The following TPO variants were observed in gnomAD, a reference collection of about 807,000 sequenced individuals.
TPO encodes the protein thyroid peroxidase, also known as thyroid microsomal antigen.
In TPO, 78 loss-of-function variants were observed where a neutral mutation model predicts 96.9. That is an observed-to-expected ratio of 0.81 (90% CI 0.67 to 0.97). The LOEUF is 0.97. Among genes scored for constraint, TPO ranks in the 50% least tolerant of loss-of-function variants. TPO has a pLI of 0.00. For missense variants in TPO, 1,252 were observed against 1,274.8 expected, an observed-to-expected ratio of 0.98 and a Z score of 0.27; for synonymous variants, 547 against 538.0, an observed-to-expected ratio of 1.02 and a Z score of -0.23.
At chr2:1,380,634 C>T (rs1248767904) in intron 1 of TPO, among the ~76,000 whole-genome samples, 1 of 152,106 alleles carries the variant, frequency 6.6e-6, no homozygotes, top group Non-Finnish European at 1.5e-5. Flanking sequence ...ACTGAAGTGA[C>T]ACAATCACAG....
At chr2:1,378,639 C>T (rs11683117) in intron 1 of TPO, among the ~76,000 whole-genome samples, 73,559 of 152,112 alleles carry the variant, frequency 0.48, 20,027 homozygotes, top group Admixed American at 0.6. Flanking sequence ...AGGGCGACTG[C>T]GACTCCGTGC....
chr2:1,467,595 T>C (rs1669020841), intron 7 of TPO, among the ~76,000 whole-genome samples: 1 of 152,226 alleles, frequency 6.6e-6, no homozygotes, highest in Non-Finnish European at 1.5e-5. Context: ...GAGGCTTATT[T>C]TGAGACCTAT....
intron 14 of TPO, among the ~76,000 whole-genome samples, chr2:1,505,110 C>T (rs1346732176): frequency 1.3e-5 from 2 of 152,208 alleles, no homozygotes; most frequent in Admixed American, 6.5e-5. Flanking sequence ...AGTTATCAAG[C>T]AAGTGAGTCT....
At chr2:1,493,768 G>A in intron 10 of TPO, 34 bp from the exon 11 acceptor site, 7 of 1,612,634 alleles carry the variant, frequency 4.3e-6, no homozygotes, top group Non-Finnish European at 5.9e-6. Context: ...GTTCAGTTCT[G>A]TGAGAGAAAC....
At position 1,503,938 on chromosome 2, in the gene TPO, T is replaced by C. The variant is rs752411283; in HGVS notation, c.2387-10T>C. 1 of 1,613,984 alleles carries C rather than the reference T, an allele frequency of 6.2e-7. No homozygotes were observed. The highest frequency in any genetic ancestry group is 1.7e-5 in the Admixed American group (1 of 59,998). On this transcript the variant is annotated splice_polypyrimidine_tract_variant and intron_variant, in intron 13 of 16. Coordinates refer to ENST00000329066, the MANE Select transcript of TPO (RefSeq NM_001206744.2). ...TTCCTCTCACGTGTGTGGCCTTGTG[T>C]GTCTGGCAGATGTGAACGAGTGTGC... is the stretch of plus-strand genomic sequence containing the variant.
At chr2:1,519,582 C>T (rs1356237279) in intron 15 of TPO, among the ~76,000 whole-genome samples, 1 of 152,134 alleles carries the variant, frequency 6.6e-6, no homozygotes, top group Admixed American at 6.5e-5. Flanking sequence ...TTTTATGAAT[C>T]ATTTGGTCTT....
intron 15 of TPO, among the ~76,000 whole-genome samples, chr2:1,528,885 T>C (rs1267428028): frequency 2.3e-3 from 93 of 40,532 alleles, no homozygotes; most frequent in East Asian, 4.0e-3. Flanking sequence ...CCCCAAATCC[T>C]CTCCACTGTG....
At chr2:1,539,105 G>A (rs1028914967) in intron 15 of TPO, among the ~76,000 whole-genome samples, 1 of 152,154 alleles carries the variant, frequency 6.6e-6, no homozygotes, top group Non-Finnish European at 1.5e-5. Flanking sequence ...TCCAGGCAAG[G>A]TAACATTCCC....
chr2:1,443,746 C>T (rs1452061734), intron 5 of TPO, among the ~76,000 whole-genome samples: 2 of 92,412 alleles, frequency 2.2e-5, no homozygotes, highest in East Asian at 7.8e-4. Flanking sequence ...CTGCGGGAGG[C>T]ACCATGTTGG....
chr2:1,380,380 C>T (rs1250814550), intron 1 of TPO, among the ~76,000 whole-genome samples: 17 of 129,620 alleles, frequency 1.3e-4, no homozygotes, highest in South Asian at 2.5e-4. Flanking sequence ...GGCGACAGAG[C>T]GAGACTCTGT....
intron 15 of TPO, among the ~76,000 whole-genome samples, chr2:1,522,620 C>G (rs913323545): frequency 6.6e-6 from 1 of 152,116 alleles, no homozygotes; most frequent in Non-Finnish European, 1.5e-5. Flanking sequence ...AAGCCTCAAT[C>G]TCTCCATAGA....
intron 15 of TPO, among the ~76,000 whole-genome samples, chr2:1,538,795 T>C (rs1287382408): frequency 6.6e-6 from 1 of 152,140 alleles, no homozygotes; most frequent in Non-Finnish European, 1.5e-5. Context: ...GTTCTCACAG[T>C]TCTGGAGACC....
chr2:1,406,436 A>G (rs190097209), intron 1 of TPO, among the ~76,000 whole-genome samples: 46 of 152,336 alleles, frequency 3.0e-4, no homozygotes, highest in African/African-American at 8.9e-4. Flanking sequence ...CCATCCTATT[A>G]TCCACGTGAA....
intron 15 of TPO, among the ~76,000 whole-genome samples, chr2:1,534,691 A>C (rs1679154962): frequency 8.5e-6 from 1 of 118,024 alleles, no homozygotes; most frequent in Non-Finnish European, 1.7e-5. Context: ...AACTTCCAAA[A>C]ATCCCCCACA....
In TPO at chr2:1,403,852, G is replaced by A. The variant is rs565525782; in HGVS notation, n.180+29450G>A. 3.8e-3 allele frequency among the ~76,000 whole-genome samples: 572 copies of A among 152,258 alleles called. 1 individual carries two copies. Among genetic ancestry groups the A allele is most frequent in the Non-Finnish European group, 6.8e-3 (462 of 68,030 alleles). Reference sequence around the variant, plus strand: ...GCCCCACCAAATCTCCCCTCTGCACGCAGCGGCAGCATGGAAACGGTGGCT... The same window carrying A: ...GCCCCACCAAATCTCCCCTCTGCACACAGCGGCAGCATGGAAACGGTGGCT... On this transcript the variant is annotated intron_variant and non_coding_transcript_variant, in intron 1 of 5. Coordinates refer to the TPO transcript ENST00000497517.
At chr2:1,488,334 GC>G (rs952974974) in intron 10 of TPO, among the ~76,000 whole-genome samples, 20 of 152,172 alleles carry the variant, frequency 1.3e-4, no homozygotes, top group East Asian at 9.7e-4. Context: ...TGGCTAGAGT[GC>G]CCCCCTCCCC....
chr2:1,476,367 C>G (rs2148668796), intron 7 of TPO, among the ~76,000 whole-genome samples: 1 of 152,232 alleles, frequency 6.6e-6, no homozygotes, highest in African/African-American at 2.4e-5. Context: ...CCACAGAGCT[C>G]GACTCTTCCC....
intron 14 of TPO, among the ~76,000 whole-genome samples, chr2:1,513,150 A>C (rs1674336438): frequency 6.6e-6 from 1 of 152,216 alleles, no homozygotes; most frequent in African/African-American, 2.4e-5. Flanking sequence ...GCTGGCTGGA[A>C]CACCCAAAAG....
chr2:1,448,823 C>T (rs1177601795), intron 5 of TPO, among the ~76,000 whole-genome samples: 1 of 152,192 alleles, frequency 6.6e-6, no homozygotes, highest in East Asian at 1.9e-4. Flanking sequence ...CTCGAGGTAG[C>T]TCACACCCTC....
Sources: allele counts gnomAD v4.1 joint callset (sites outside exome capture counted in the v4.1 genomes callset), GRCh38; gene constraint gnomAD v4.1.1; transcripts MANE v1.5; gene names NCBI Gene and HGNC (gene_info 2026-07-23, HGNC 2026-07-21).